Variants in CTIF observed in about 807,000 individuals in gnomAD.
CTIF encodes CBP80/20-dependent translation initiation factor.
In CTIF, 21 loss-of-function variants were observed where a neutral mutation model predicts 66.0. The ratio of observed to expected loss-of-function variants is 0.32; its 90% CI spans 0.23 to 0.46. The LOEUF (loss-of-function observed/expected upper bound fraction) is 0.46. Among genes scored for constraint, CTIF ranks in the 20% least tolerant of loss-of-function variants. The pLI is 1.00. For synonymous variants in CTIF, 345 were observed against 326.4 expected (o/e 1.06, Z -0.62); for missense variants, 739 against 812.7 (o/e 0.91, Z 1.10).
intron 3 of CTIF, among the ~76,000 whole-genome samples, chr18:48,655,811 G>C (rs999395152): frequency 3.3e-5 from 5 of 152,132 alleles, no homozygotes; most frequent in African/African-American, 1.2e-4. Context: ...CAACAATAGA[G>C]AGCATCCTCC....
chr18:48,649,421 G>A (rs745337598), intron 3 of CTIF, among the ~76,000 whole-genome samples: 3 of 152,224 alleles, frequency 2.0e-5, no homozygotes, highest in Non-Finnish European at 4.4e-5. Flanking sequence ...CATTGCTGAC[G>A]CTTGAGTAGG....
chr18:48,667,164 G>A (rs1225673359), intron 5 of CTIF, among the ~76,000 whole-genome samples: 1 of 151,948 alleles, frequency 6.6e-6, no homozygotes, highest in Non-Finnish European at 1.5e-5. Context: ...ATTCTACTGG[G>A]AAAAGGAAAT....
intron 9 of CTIF, among the ~76,000 whole-genome samples, chr18:48,802,174 T>C (rs983574924): frequency 6.6e-6 from 1 of 152,218 alleles, no homozygotes; most frequent in Non-Finnish European, 1.5e-5. Flanking sequence ...TGGCCAGTCT[T>C]GCTGTCCTTT....
At chr18:48,638,703 A>G (rs2090870069) in intron 3 of CTIF, among the ~76,000 whole-genome samples, 2 of 152,260 alleles carry the variant, frequency 1.3e-5, no homozygotes, top group African/African-American at 4.8e-5. Context: ...TTCAAGAAGC[A>G]GCTGAGCAGT....
chr18:48,696,866 A>T (rs538643483), intron 6 of CTIF, among the ~76,000 whole-genome samples: 1 of 152,188 alleles, frequency 6.6e-6, no homozygotes, highest in Non-Finnish European at 1.5e-5. Context: ...GGGCCTAAGC[A>T]TCTGTGGTGT....
intron 1 of CTIF, among the ~76,000 whole-genome samples, chr18:48,570,218 G>T (rs1204665939): frequency 6.6e-6 from 1 of 152,174 alleles, no homozygotes; most frequent in Non-Finnish European, 1.5e-5. Context: ...CACACATGAG[G>T]CTGGTTCATT....
chr18:48,799,885 G>A (rs1401289419), intron 9 of CTIF, among the ~76,000 whole-genome samples: 2 of 152,246 alleles, frequency 1.3e-5, no homozygotes, highest in Non-Finnish European at 2.9e-5. Context: ...GAGTGGGAGA[G>A]GCAATCACTG....
At chr18:48,731,743 C>T (rs569927268) in intron 7 of CTIF, among the ~76,000 whole-genome samples, 1 of 152,326 alleles carries the variant, frequency 6.6e-6, no homozygotes, top group African/African-American at 2.4e-5. Flanking sequence ...TTCATTCCCG[C>T]TTATTATAAC....
At chr18:48,800,628 C>G (rs1255236106) in intron 9 of CTIF, among the ~76,000 whole-genome samples, 1 of 152,222 alleles carries the variant, frequency 6.6e-6, no homozygotes, top group Non-Finnish European at 1.5e-5. Context: ...CTTGGTAAGA[C>G]CAAAGAAGCA....
chr18:48,551,331 G>A (rs1338782996), intron 1 of CTIF, among the ~76,000 whole-genome samples: 3 of 151,940 alleles, frequency 2.0e-5, no homozygotes, highest in African/African-American at 7.3e-5. Context: ...AGTCTATGGT[G>A]GCCTGCTATG....
intron 10 of CTIF, among the ~76,000 whole-genome samples, chr18:48,822,678 G>C (rs1369889103): frequency 6.6e-6 from 1 of 152,180 alleles, no homozygotes; most frequent in African/African-American, 2.4e-5. Context: ...TAAATACTCA[G>C]AAGCGGGATT....
chr18:48,655,836 A>C (rs1358835162), intron 3 of CTIF, among the ~76,000 whole-genome samples: 1 of 152,164 alleles, frequency 6.6e-6, no homozygotes, highest in Non-Finnish European at 1.5e-5. Flanking sequence ...GTCCTATCCC[A>C]TTCAGCCTAG....
At chr18:48,739,915 C>T (rs926445199) in intron 7 of CTIF, among the ~76,000 whole-genome samples, 1 of 152,196 alleles carries the variant, frequency 6.6e-6, no homozygotes, top group African/African-American at 2.4e-5. Context: ...CCCAGGTGAC[C>T]TTCTGCTTAT....
intron 9 of CTIF, among the ~76,000 whole-genome samples, chr18:48,804,272 C>T (rs1239529632): frequency 6.6e-6 from 1 of 152,232 alleles, no homozygotes; most frequent in East Asian, 1.9e-4. Context: ...GCCCAGTGCC[C>T]ACATGGTCCC....
chr18:48,820,040 C>T (rs1467692516), intron 10 of CTIF, among the ~76,000 whole-genome samples: 1 of 152,170 alleles, frequency 6.6e-6, no homozygotes, highest in East Asian at 1.9e-4. Context: ...CTGATGGGGC[C>T]TAGGGGCTGA....
chr18:48,639,616 A>G (rs2144656438), intron 3 of CTIF, among the ~76,000 whole-genome samples: 1 of 152,324 alleles, frequency 6.6e-6, no homozygotes, highest in East Asian at 1.9e-4. Context: ...CAGTGATGAC[A>G]GGCTTTATTT....
At chr18:48,539,709 T>A (rs1599108368) in intron 1 of CTIF, 1 of 152,678 alleles carries the variant, frequency 6.5e-6, no homozygotes, top group Non-Finnish European at 1.5e-5. Flanking sequence ...GGTTCCGACC[T>A]GGGAGGAGGA....
chr18:48,619,410 T>C (rs796805104), intron 1 of CTIF, 128 bp from the exon 2 acceptor site: 37 of 590,910 alleles, frequency 6.3e-5, no homozygotes, highest in African/African-American at 5.7e-4. Context: ...TTCTCAGGGT[T>C]GTTGGAAGAA....
intron 2 of CTIF, among the ~76,000 whole-genome samples, chr18:48,620,939 C>G (rs1416375898): frequency 6.6e-6 from 1 of 151,956 alleles, no homozygotes; most frequent in Non-Finnish European, 1.5e-5. Context: ...TGCCCTGTCC[C>G]CACTGGGAAG....
Sources: allele counts gnomAD v4.1 joint callset (sites outside exome capture counted in the v4.1 genomes callset), GRCh38; gene constraint gnomAD v4.1.1; transcripts MANE v1.5; gene names NCBI Gene and HGNC (gene_info 2026-07-23, HGNC 2026-07-21).